The following TCF7L2 variants were observed in gnomAD, a reference collection of about 807,000 sequenced individuals.
TCF7L2 encodes the protein transcription factor 7 like 2.
TCF7L2 carries 23 observed loss-of-function variants against 77.9 expected under a neutral mutation model. The observed-to-expected ratio is 0.30, with a 90% CI of 0.21 to 0.42. The LOEUF (loss-of-function observed/expected upper bound fraction) is 0.42, where lower values mean the gene tolerates loss of function less well. Among genes scored for constraint, TCF7L2 ranks in the 10% least tolerant of loss-of-function variants. The pLI, the probability that TCF7L2 is intolerant of heterozygous loss-of-function variation, is 1.00. For missense variants in TCF7L2, 654 were observed against 793.1 expected (o/e 0.82, Z 2.11); for synonymous variants, 413 against 340.2 (o/e 1.21, Z -2.36).
At chr10:112,978,258 T>C (rs984356570) in intron 4 of TCF7L2, among the ~76,000 whole-genome samples, 8 of 152,190 alleles carry the variant, frequency 5.3e-5, no homozygotes, top group African/African-American at 1.9e-4. Flanking sequence ...CTCTCTATTT[T>C]TTAATAGCTA....
intron 13 of TCF7L2, chr10:113,160,746 A>G (rs2073033836): frequency 6.7e-7 from 1 of 1,485,104 alleles, no homozygotes; most frequent in Non-Finnish European, 9.1e-7. Context: ...TCCTTCCGGT[A>G]CCTTAGCGTG....
At chr10:113,135,398 A>G (rs759321088) in intron 5 of TCF7L2, among the ~76,000 whole-genome samples, 5 of 152,074 alleles carry the variant, frequency 3.3e-5, no homozygotes. Context: ...TGATTTAACT[A>G]TTCAATGCTC....
At chr10:113,008,394 A>G (rs1267995662) in intron 4 of TCF7L2, among the ~76,000 whole-genome samples, 2 of 152,156 alleles carry the variant, frequency 1.3e-5, no homozygotes, top group Non-Finnish European at 2.9e-5. Flanking sequence ...CTCTCTGCGT[A>G]GCGGCACTCA....
intron 4 of TCF7L2, among the ~76,000 whole-genome samples, chr10:112,979,642 C>T (rs371630464): frequency 1.3e-5 from 2 of 152,002 alleles, no homozygotes; most frequent in East Asian, 1.9e-4. Flanking sequence ...CCTGTAATTC[C>T]GGCTACTGGG....
In TCF7L2 at chr10:113,078,775, G is replaced by C. The variant is rs149006391; in HGVS notation, c.552+38649G>C. Among the ~76,000 whole-genome samples the C allele has an allele frequency of 3.5e-3, 535 of 151,976 alleles. 3 individuals are homozygous for C. The highest frequency in any genetic ancestry group is 0.012 in the African/African-American group (498 of 41,442). On this transcript the variant is annotated intron_variant, in intron 5 of 13. Coordinates refer to ENST00000627217, the MANE Select transcript of TCF7L2 (RefSeq NM_001146274.2). ...CTATCTCCCTTGTCTTCATTTTCACGCTGGTGGTAATCCTGGAAGCCGCAG... is the reference window on the plus strand; with the variant it reads ...CTATCTCCCTTGTCTTCATTTTCACCCTGGTGGTAATCCTGGAAGCCGCAG...
At chr10:112,979,016 G>A (rs931808262) in intron 4 of TCF7L2, among the ~76,000 whole-genome samples, 3 of 152,066 alleles carry the variant, frequency 2.0e-5, no homozygotes, top group African/African-American at 7.2e-5. Flanking sequence ...GTTTTGCCAA[G>A]GATGTTCTTA....
In TCF7L2 at chr10:113,083,308, C is replaced by G. The variant is rs867428093; in HGVS notation, c.552+43182C>G. Among the ~76,000 whole-genome samples the G allele has an allele frequency of 2.4e-4, 36 of 147,744 alleles. No individual in the cohort carries two copies. The Middle Eastern group carries it at 0.01, about 43-fold the overall frequency. The stretch of plus-strand genomic sequence containing the variant: ...CACACACACACGTGCAAGTGTGGGC[C>G]CATACTCACACCTTGCCACTCACAC... On this transcript the variant is annotated intron_variant, in intron 5 of 13. Coordinates refer to ENST00000627217, the MANE Select transcript of TCF7L2 (RefSeq NM_001146274.2).
intron 5 of TCF7L2, among the ~76,000 whole-genome samples, chr10:113,077,009 A>C (rs2058762872): frequency 6.6e-6 from 1 of 152,168 alleles, no homozygotes; most frequent in African/African-American, 2.4e-5. Flanking sequence ...TGTCTGTATG[A>C]TCCACCTACA....
chr10:112,998,976 T>C (rs959898144), intron 4 of TCF7L2, among the ~76,000 whole-genome samples: 1 of 152,228 alleles, frequency 6.6e-6, no homozygotes, highest in Non-Finnish European at 1.5e-5. Context: ...CTCTCTGTGC[T>C]TTCCCCCCAG....
chr10:112,955,169 T>A (rs374143709), intron 3 of TCF7L2, among the ~76,000 whole-genome samples: 1 of 139,728 alleles, frequency 7.2e-6, no homozygotes, highest in Non-Finnish European at 1.5e-5. Flanking sequence ...TACATAACAA[T>A]GTAATATTAC....
intron 5 of TCF7L2, chr10:113,127,042 G>A (rs1171023808): frequency 3.6e-6 from 2 of 557,054 alleles, no homozygotes; most frequent in Non-Finnish European, 4.6e-6. Flanking sequence ...TCAGGTTGAT[G>A]TACCTTGACT....
At chr10:113,140,800 A>C (rs7912725) in intron 5 of TCF7L2, among the ~76,000 whole-genome samples, 48,755 of 151,948 alleles carry the variant, frequency 0.32, 8,280 homozygotes, top group Non-Finnish European at 0.35. Context: ...TGCCTCCTGG[A>C]GGTGGGGCCT....
intron 4 of TCF7L2, among the ~76,000 whole-genome samples, chr10:112,973,598 A>C (rs1470093663): frequency 6.6e-6 from 1 of 151,958 alleles, no homozygotes; most frequent in Non-Finnish European, 1.5e-5. Flanking sequence ...AATTTTATTT[A>C]TTTATTTTTG....
chr10:113,160,841 A>G (rs1764711578), intron 13 of TCF7L2: 1 of 726,952 alleles, frequency 1.4e-6, no homozygotes, highest in Admixed American at 3.3e-5. Flanking sequence ...TTTCCTTGCT[A>G]ATTTTATGCC....
chr10:113,013,735 T>C (rs2046850858), intron 4 of TCF7L2, among the ~76,000 whole-genome samples: 1 of 152,172 alleles, frequency 6.6e-6, no homozygotes, highest in Non-Finnish European at 1.5e-5. Context: ...TAGTCCCCAC[T>C]TTCTCCTGAT....
chr10:113,040,667 C>T (rs796952838), intron 5 of TCF7L2, among the ~76,000 whole-genome samples: 13 of 152,226 alleles, frequency 8.5e-5, no homozygotes, highest in African/African-American at 2.9e-4. Flanking sequence ...GGAATTTAAT[C>T]TATACATCCA....
intron 11 of TCF7L2, among the ~76,000 whole-genome samples, chr10:113,155,035 T>C (rs902414561): frequency 6.6e-6 from 1 of 152,110 alleles, no homozygotes; most frequent in Non-Finnish European, 1.5e-5. Flanking sequence ...ATATATTACT[T>C]TGGTCATTGT....
At chr10:113,063,473 T>C (rs1315077798) in intron 5 of TCF7L2, among the ~76,000 whole-genome samples, 5 of 151,980 alleles carry the variant, frequency 3.3e-5, no homozygotes, top group African/African-American at 1.2e-4. Flanking sequence ...GTGGTGGCCC[T>C]GGAATGTGGC....
At chr10:113,010,328 G>A (rs2046246612) in intron 4 of TCF7L2, among the ~76,000 whole-genome samples, 2 of 152,132 alleles carry the variant, frequency 1.3e-5, no homozygotes, top group African/African-American at 4.8e-5. Flanking sequence ...CTGCACATTA[G>A]GTTCACCTGG....
Sources: allele counts gnomAD v4.1 joint callset (sites outside exome capture counted in the v4.1 genomes callset), GRCh38; gene constraint gnomAD v4.1.1; transcripts MANE v1.5; gene names NCBI Gene and HGNC (gene_info 2026-07-23, HGNC 2026-07-21).